The following PCDH11Y variants were observed in gnomAD, a reference collection of about 807,000 sequenced individuals.
PCDH11Y encodes protocadherin 11 Y-linked.
For missense variants in PCDH11Y, 12 were observed against 224.8 expected, an observed-to-expected ratio of 0.05 and a Z score of 6.05; for synonymous variants, 9 against 83.6, an observed-to-expected ratio of 0.11 and a Z score of 4.87.
At chrY:5,498,718 C>T (rs2053348833) in intron 2 of PCDH11Y, among the ~76,000 whole-genome samples, 1 of 33,624 alleles carries the variant, frequency 3.0e-5, no homozygotes, top group African/African-American at 1.2e-4. Flanking sequence ...ATTGACTAGG[C>T]AAAAGCATAC....
intron 3 of PCDH11Y, among the ~76,000 whole-genome samples, chrY:5,041,259 TC>T (rs367958838): frequency 3.2e-4 from 1 of 3,107 alleles, no homozygotes. Flanking sequence ...CCCTCACCCC[TC>T]CCCCCACCCC....
intron 4 of PCDH11Y, among the ~76,000 whole-genome samples, chrY:5,678,430 CAG>C (rs2053555433): frequency 3.1e-5 from 1 of 32,425 alleles, no homozygotes; most frequent in Admixed American, 2.9e-4. Context: ...TTTATGAAAA[CAG>C]AATCATTTGC....
At chrY:5,214,318 C>T in intron 2 of PCDH11Y, among the ~76,000 whole-genome samples, 1 of 32,910 alleles carries the variant, frequency 3.0e-5, no homozygotes, top group East Asian at 8.1e-4. Context: ...GAAGTCCTTA[C>T]AAAAAAATAG....
chrY:5,141,601 A>G (rs2052849807), intron 2 of PCDH11Y, among the ~76,000 whole-genome samples: 1 of 26,783 alleles, frequency 3.7e-5, no homozygotes, highest in East Asian at 1.0e-3. Context: ...GCCCTCAGAA[A>G]TAATGCCGCA....
intron 2 of PCDH11Y, among the ~76,000 whole-genome samples, chrY:5,280,870 C>G: frequency 3.0e-5 from 1 of 33,245 alleles, no homozygotes; most frequent in African/African-American, 1.2e-4. Flanking sequence ...TGATTTTGAT[C>G]ATTTTTTTCA....
chrY:5,709,184 AC>A (rs2053584846), intron 4 of PCDH11Y, among the ~76,000 whole-genome samples: 1 of 28,535 alleles, frequency 3.5e-5, no homozygotes, highest in African/African-American at 1.4e-4. Flanking sequence ...TTTCGTTTCC[AC>A]CCCAAGCAAT....
intron 4 of PCDH11Y, among the ~76,000 whole-genome samples, chrY:5,613,911 A>G: frequency 2.3e-4 from 7 of 30,170 alleles, no homozygotes; most frequent in Non-Finnish European, 3.2e-4. Flanking sequence ...TTTTGAAATA[A>G]GGCAATAAGG....
intron 2 of PCDH11Y, among the ~76,000 whole-genome samples, chrY:5,266,635 A>T: frequency 3.0e-5 from 1 of 33,009 alleles, no homozygotes; most frequent in Admixed American, 2.8e-4. Flanking sequence ...TCCTAAAACA[A>T]CTAAAGTATC....
At chrY:5,424,864 A>G in intron 2 of PCDH11Y, among the ~76,000 whole-genome samples, 1 of 31,236 alleles carries the variant, frequency 3.2e-5, no homozygotes, top group African/African-American at 1.3e-4. Context: ...TTTAGTAGAG[A>G]TGGGGTTTCA....
intron 1 of PCDH11Y, among the ~76,000 whole-genome samples, chrY:5,080,466 G>T: frequency 6.7e-5 from 2 of 29,777 alleles, no homozygotes; most frequent in Admixed American, 6.1e-4. Flanking sequence ...AGAAAAAGAG[G>T]TTTAATGAAT....
chrY:5,573,501 C>T (rs1392341975), intron 3 of PCDH11Y: 1 of 315,111 alleles, frequency 3.2e-6, no homozygotes, highest in South Asian at 3.2e-5. Context: ...GAAGAAGGGA[C>T]CCCAGGTCAA....
chrY:5,137,862 G>A (rs2052842752), intron 2 of PCDH11Y, among the ~76,000 whole-genome samples: 1 of 32,794 alleles, frequency 3.0e-5, no homozygotes, highest in Non-Finnish European at 7.5e-5. Flanking sequence ...CACTAGACAG[G>A]TCATCGAGGC....
intron 2 of PCDH11Y, among the ~76,000 whole-genome samples, chrY:5,407,692 T>A: frequency 9.5e-5 from 3 of 31,576 alleles, no homozygotes; most frequent in Non-Finnish European, 7.7e-5. Context: ...GGCGGGCAGA[T>A]CATGAGGTCA....
intron 2 of PCDH11Y, among the ~76,000 whole-genome samples, chrY:5,244,488 G>A (rs1602892620): frequency 3.0e-5 from 1 of 33,485 alleles, no homozygotes; most frequent in Non-Finnish European, 7.4e-5. Flanking sequence ...GAGGAAGGAA[G>A]AACAGTGTGG....
In PCDH11Y at chrY:5,407,842, G is replaced by GGGA. The variant is rs2053241446; in HGVS notation, c.3130-93213_3130-93212insAGG. Among the ~76,000 whole-genome samples the GGGA allele has an allele frequency of 1.0e-3, 28 of 27,424 alleles. No individual in the cohort carries two copies. In the East Asian group the frequency reaches 0.02, roughly 19 times the overall value. The allele number at this position is 27,424 out of a possible 37,273, so 73.6% of individuals were successfully genotyped here. ...AGGCAGGAGAATGGAGTGAACCAGC[G>GGGA]GGCGGAGCTTGCAGTGAGCCGAGAT... is the stretch of plus-strand genomic sequence containing the variant. On this transcript the variant is annotated intron_variant, in intron 2 of 4. Coordinates refer to the PCDH11Y transcript ENST00000400457.
At chrY:5,150,654 C>G in intron 2 of PCDH11Y, among the ~76,000 whole-genome samples, 1 of 33,740 alleles carries the variant, frequency 3.0e-5, no homozygotes, top group African/African-American at 1.2e-4. Flanking sequence ...TGCACACACA[C>G]TCGCTTTATG....
intron 2 of PCDH11Y, among the ~76,000 whole-genome samples, chrY:5,339,244 A>T (rs2053142150): frequency 3.0e-5 from 1 of 33,113 alleles, no homozygotes; most frequent in Admixed American, 2.8e-4. Flanking sequence ...CCTGACTTGC[A>T]TAAACTTGCA....
intron 2 of PCDH11Y, among the ~76,000 whole-genome samples, chrY:5,375,206 T>C (rs2053196622): frequency 3.0e-5 from 1 of 33,527 alleles, no homozygotes; most frequent in African/African-American, 1.2e-4. Flanking sequence ...TGAGTGCCAG[T>C]TCCTTCACAT....
At chrY:5,517,842 A>G in intron 3 of PCDH11Y, among the ~76,000 whole-genome samples, 6 of 33,258 alleles carry the variant, frequency 1.8e-4, no homozygotes, top group Non-Finnish European at 3.0e-4. Flanking sequence ...TTTATACAAG[A>G]CATTTATCCT....
Sources: gnomAD v4.1 joint callset for allele counts (sites outside exome capture counted in the v4.1 genomes callset) on GRCh38, gnomAD v4.1.1 for gene constraint, MANE v1.5 for transcripts, NCBI Gene and HGNC (gene_info 2026-07-23, HGNC 2026-07-21) for gene names.